The following WDR25 variants were observed in gnomAD, a reference collection of about 807,000 sequenced individuals.
The protein encoded by WDR25 is WD repeat-containing protein 25.
WDR25 carries 35 observed loss-of-function variants against 47.7 expected under a neutral mutation model. The ratio of observed to expected loss-of-function variants is 0.73; its 90% confidence interval spans 0.56 to 0.97. The LOEUF is 0.97. Among genes scored for constraint, WDR25 ranks in the 50% least tolerant of loss-of-function variants. The pLI, the probability that WDR25 is intolerant of heterozygous loss-of-function variation, is 0.00. For missense variants in WDR25, 634 were observed against 704.7 expected, an observed-to-expected ratio of 0.90 and a Z score of 1.14; for synonymous variants, 248 against 278.9, an observed-to-expected ratio of 0.89 and a Z score of 1.10.
At position 100,468,085 on chromosome 14, in the gene WDR25, G is replaced by A. The variant is rs1180254190; in HGVS notation, c.887G>A (p.Arg296Gln). ...TACTCCCTGCACACAGAGGCAGTGCGGGCCGCCCGGTGGGCTCCCTGTGGC... is the reference window on the plus strand; with the variant it reads ...TACTCCCTGCACACAGAGGCAGTGCAGGCCGCCCGGTGGGCTCCCTGTGGC... ...QTYSLHTEAVRAARWAPCGRR... is the reference protein window; with the variant it reads ...QTYSLHTEAVQAARWAPCGRR... The change falls in exon 3 of 7, where the codon CGG (arginine) becomes CAG (glutamine). Residue 296 changes from arginine to glutamine, a missense_variant. Arg to Gln is a conservative substitution (Grantham distance 43). Coordinates refer to ENST00000402312, the MANE Select transcript of WDR25 (RefSeq NM_001161476.3). The surrounding 1 kb of genome is among the most constrained non-coding windows in gnomAD (Gnocchi z 4.5). The A allele has an allele frequency of 7.4e-6, 12 of 1,613,318 alleles. No homozygotes were observed. The highest frequency in any genetic ancestry group is 5.5e-5 in the South Asian group (5 of 91,072).
intron 2 of WDR25, among the ~76,000 whole-genome samples, chr14:100,435,264 T>C (rs1010393119): frequency 2.6e-5 from 4 of 152,186 alleles, no homozygotes. Context: ...TGGGGTTCAT[T>C]GCATGCCTGA....
chr14:100,423,320 A>G (rs1384839678), intron 2 of WDR25, among the ~76,000 whole-genome samples: 2 of 152,106 alleles, frequency 1.3e-5, no homozygotes, highest in East Asian at 3.9e-4. Context: ...GCCACTGAGG[A>G]TGGAAGCTGT....
intron 2 of WDR25, among the ~76,000 whole-genome samples, chr14:100,461,023 G>A (rs1899394622): frequency 6.6e-6 from 1 of 151,994 alleles, no homozygotes; most frequent in Non-Finnish European, 1.5e-5. Context: ...GACCAGCTTG[G>A]GCAACATAGT....
At chr14:100,453,275 G>T (rs1254353293) in intron 2 of WDR25, among the ~76,000 whole-genome samples, 1 of 152,214 alleles carries the variant, frequency 6.6e-6, no homozygotes, top group Non-Finnish European at 1.5e-5. Flanking sequence ...GAGCATTAGT[G>T]GTGCTGAAAC....
chr14:100,406,079 G>A (rs957440598), intron 2 of WDR25, among the ~76,000 whole-genome samples: 1 of 152,158 alleles, frequency 6.6e-6, no homozygotes, highest in African/African-American at 2.4e-5. Context: ...AGAGGTACAG[G>A]CTCCCCAAGG....
intron 2 of WDR25, among the ~76,000 whole-genome samples, chr14:100,422,451 C>A (rs749336155): frequency 6.6e-6 from 1 of 152,144 alleles, no homozygotes; most frequent in Non-Finnish European, 1.5e-5. Context: ...AGGCTGCCTC[C>A]CATTCAGGGC....
intron 2 of WDR25, among the ~76,000 whole-genome samples, chr14:100,451,771 A>G (rs548289608): frequency 1.3e-5 from 2 of 152,346 alleles, no homozygotes; most frequent in African/African-American, 4.8e-5. Context: ...TGGATGACCT[A>G]TGGCTTGTTG....
chr14:100,476,778 G>T (rs1900031806), intron 3 of WDR25, among the ~76,000 whole-genome samples: 7 of 152,134 alleles, frequency 4.6e-5, no homozygotes, highest in Admixed American at 4.6e-4. Context: ...GAGGTAACAG[G>T]CTCCTGATAA....
At chr14:100,443,793 G>T (rs932911951) in intron 2 of WDR25, among the ~76,000 whole-genome samples, 1 of 152,138 alleles carries the variant, frequency 6.6e-6, no homozygotes, top group South Asian at 2.1e-4. Context: ...TGAAATGAGC[G>T]CATTTGGAAG....
At chr14:100,452,303 C>T (rs936830401) in intron 2 of WDR25, among the ~76,000 whole-genome samples, 8 of 152,066 alleles carry the variant, frequency 5.3e-5, no homozygotes, top group Non-Finnish European at 1.2e-4. Flanking sequence ...GATATAGAAG[C>T]GAACAAAACA....
At chr14:100,393,014 A>G (rs1163987680) in intron 2 of WDR25, among the ~76,000 whole-genome samples, 1 of 152,232 alleles carries the variant, frequency 6.6e-6, no homozygotes, top group Non-Finnish European at 1.5e-5. Flanking sequence ...ATAACCAACT[A>G]TTTTGCTTAA....
chr14:100,444,439 G>T (rs1360857393), intron 2 of WDR25, among the ~76,000 whole-genome samples: 2 of 152,206 alleles, frequency 1.3e-5, no homozygotes. Flanking sequence ...GAATCCAGGT[G>T]TATGGGGCCC....
chr14:100,529,669 C>T lies in WDR25; in HGVS notation c.1414-151C>T, dbSNP rs936667247. 17 of 843,668 alleles carry T rather than the reference C, an allele frequency of 2.0e-5. No homozygotes were observed. The East Asian group carries it at 2.1e-4, about 11-fold the overall frequency. 52.3% of individuals were successfully genotyped at this position (843,668 alleles called of 1,614,324 possible). A position where few individuals can be genotyped will look rare whatever the true frequency, so the allele number is the denominator to read the frequency against. On this transcript the variant is annotated intron_variant, in intron 6 of 6. Coordinates refer to ENST00000402312, the MANE Select transcript of WDR25 (RefSeq NM_001161476.3). The surrounding 1 kb of genome is among the most constrained non-coding windows in gnomAD (Gnocchi z 5.1). ...CATCAGGGCTCTACAGCCTCATGGG[C>T]GGGACCTGGGCTTTGGCCTCAGGGA...
rs375997356 is a variant in WDR25 at position 100,450,966 on chromosome 14, C to T, written c.823-17055C>T. On this transcript the variant is annotated intron_variant, in intron 2 of 6. Coordinates refer to ENST00000402312, the MANE Select transcript of WDR25 (RefSeq NM_001161476.3). ...TCAAAGCAGCTCAGGCTTTAGACCTCGGGTTCCAGCTGTGCGGGTCCACAA... is the reference window on the plus strand; with the variant it reads ...TCAAAGCAGCTCAGGCTTTAGACCTTGGGTTCCAGCTGTGCGGGTCCACAA... 7.2e-5 allele frequency among the ~76,000 whole-genome samples: 11 copies of T among 152,072 alleles called. No homozygotes were observed. In the East Asian group the frequency reaches 2.1e-3, roughly 29 times the overall value.
At position 100,529,247 on chromosome 14, in the gene WDR25, C is replaced by T. The variant is rs761758393; in HGVS notation, c.1413+39C>T. ...TGTCCCCCAGGCGAATGCTGAGCCC[C>T]AGCCCCAAGCCTCCTGGCAGTCCTG... On this transcript the variant is annotated intron_variant, in intron 6 of 6. Transcript: ENST00000402312. This position sits in a 1 kb window ranked among gnomAD's most constrained non-coding sequence, Gnocchi z 5.1. The T allele has an allele frequency of 3.1e-6, 5 of 1,611,106 alleles. No individual in the cohort carries two copies. The highest frequency in any genetic ancestry group is 2.2e-5 in the South Asian group (2 of 91,042).
chr14:100,383,247 T>A (rs967009238), intron 2 of WDR25, among the ~76,000 whole-genome samples: 4 of 152,178 alleles, frequency 2.6e-5, no homozygotes, highest in African/African-American at 9.7e-5. Flanking sequence ...GATTTTCCAC[T>A]TAGGTCTTTG....
At position 100,502,705 on chromosome 14, in the gene WDR25, G is replaced by A. The variant is rs1212757554; in HGVS notation, c.1101+18581G>A. Among the ~76,000 whole-genome samples the A allele has an allele frequency of 1.3e-5, 2 of 152,220 alleles. No individual in the cohort carries two copies. The highest frequency in any genetic ancestry group is 2.9e-5 in the Non-Finnish European group (2 of 68,044). On this transcript the variant is annotated intron_variant, in intron 4 of 6. Transcript: ENST00000402312. The surrounding 1 kb of genome is among the most constrained non-coding windows in gnomAD (Gnocchi z 4.5). ...GGAGTCAGTCTCCACAGAGTACATC[G>A]TGATGGGAACTGCTTGGGGGCTAAT... is the stretch of plus-strand genomic sequence containing the variant.
At chr14:100,489,649 G>A (rs974358875) in intron 4 of WDR25, among the ~76,000 whole-genome samples, 4 of 152,318 alleles carry the variant, frequency 2.6e-5, no homozygotes, top group East Asian at 1.9e-4. Context: ...TCTAGGACAT[G>A]TGGCTCCTGC....
intron 2 of WDR25, among the ~76,000 whole-genome samples, chr14:100,389,068 C>T (rs1418915662): frequency 2.6e-5 from 4 of 152,200 alleles, no homozygotes; most frequent in African/African-American, 7.2e-5. Flanking sequence ...ACAGTAGACT[C>T]TTAAAGGTGC....
Sources: allele counts gnomAD v4.1 joint callset (sites outside exome capture counted in the v4.1 genomes callset), GRCh38; gene constraint gnomAD v4.1.1; non-coding constraint Gnocchi (gnomAD v3.1); transcripts MANE v1.5; gene names NCBI Gene and HGNC (gene_info 2026-07-23, HGNC 2026-07-21).